CLEC16A: variants seen among roughly 807,000 people sequenced by gnomAD.
CLEC16A encodes C-type lectin domain containing 16A.
CLEC16A carries 51 observed loss-of-function variants against 109.5 expected under a neutral mutation model. The ratio of observed to expected loss-of-function variants is 0.47; its 90% confidence interval spans 0.37 to 0.59. The LOEUF (loss-of-function observed/expected upper bound fraction) is 0.59. Ranked by LOEUF, CLEC16A falls within the 20% of genes least tolerant of loss-of-function variation. CLEC16A has a pLI of 0.00. For missense variants in CLEC16A, 1,339 were observed against 1,394.0 expected, an observed-to-expected ratio of 0.96 and a Z score of 0.63; for synonymous variants, 673 against 564.2, an observed-to-expected ratio of 1.19 and a Z score of -2.73.
chr16:11,054,642 C>G lies in CLEC16A; in HGVS notation c.1995+3001C>G, dbSNP rs79316244. 4.6e-3 allele frequency among the ~76,000 whole-genome samples: 695 copies of G among 152,350 alleles called. 5 individuals carry two copies. Among genetic ancestry groups the G allele is most frequent in the Middle Eastern group, 0.031 (9 of 294 alleles). On this transcript the variant is annotated intron_variant, in intron 18 of 23. Transcript: ENST00000409790. ...CCAGGCTACCTCAAAGCCAAGGCAT[C>G]CACTTTAGAAAAGCTTCCTTTGTGA...
chr16:11,143,904 G>A (rs953065864), intron 22 of CLEC16A, among the ~76,000 whole-genome samples: 2 of 152,182 alleles, frequency 1.3e-5, no homozygotes, highest in Admixed American at 1.3e-4. Flanking sequence ...GGCTTGGCCT[G>A]ACCCTGGCCT....
In CLEC16A at chr16:10,979,348, T is replaced by C; in HGVS notation, c.923T>C (p.Ile308Thr). 1 of 1,612,984 alleles carries C rather than the reference T, an allele frequency of 6.2e-7. No individual in the cohort carries two copies. The highest frequency in any genetic ancestry group is 8.5e-7 in the Non-Finnish European group (1 of 1,179,610). Residue 308 changes from isoleucine to threonine, a missense_variant, in exon 9 of 24, where the codon ATT (isoleucine) becomes ACT (threonine). By Grantham distance (89) the Ile-to-Thr change is moderately conservative. This residue lies in a region of CLEC16A where 161 missense variants were observed against 267.1 expected (regional missense o/e 0.60). Coordinates refer to ENST00000409790, the MANE Select transcript of CLEC16A (RefSeq NM_015226.3). ...NQDKGGERPK[I>T]SLPVSLYLLS... is the part of the protein sequence containing the mutation. Reference sequence around the variant, plus strand: ...CACTAGGGAGGAGAACGGCCGAAAATTAGCCTGCCGGTGTCTCTTTATCTT... The same window carrying C: ...CACTAGGGAGGAGAACGGCCGAAAACTAGCCTGCCGGTGTCTCTTTATCTT...
At chr16:11,079,354 G>T (rs2049572833) in intron 19 of CLEC16A, among the ~76,000 whole-genome samples, 1 of 152,178 alleles carries the variant, frequency 6.6e-6, no homozygotes, top group Non-Finnish European at 1.5e-5. Flanking sequence ...CTCAGAAGTT[G>T]TTGGGGCTGA....
At chr16:11,177,712 G>A (rs138830372) in intron 23 of CLEC16A, among the ~76,000 whole-genome samples, 177 of 152,234 alleles carry the variant, frequency 1.2e-3, no homozygotes, top group African/African-American at 4.0e-3. Flanking sequence ...GGCCCCTGCC[G>A]GGAAGCTCGG....
chr16:11,122,977 C>G (rs1479356635), intron 20 of CLEC16A, among the ~76,000 whole-genome samples: 3 of 138,014 alleles, frequency 2.2e-5, no homozygotes, highest in Middle Eastern at 4.1e-3. Context: ...GATCTCGGCT[C>G]ACTGCAACCT....
Position 11,167,980 on chromosome 16 carries a change from T to C in CLEC16A, c.2806+1428T>C, listed in dbSNP as rs146632779. Among the ~76,000 whole-genome samples, 709 of 152,302 alleles carry C rather than the reference T, an allele frequency of 4.7e-3. 4 individuals are homozygous for C. Among genetic ancestry groups the C allele is most frequent in the Non-Finnish European group, 8.9e-3 (608 of 68,026 alleles). On this transcript the variant is annotated intron_variant, in intron 23 of 23. Transcript: ENST00000409790. ...GTTCATGCACCCCAACGCACATATT[T>C]ACCGTTGCACTGGGGATGAAAGCTT...
chr16:11,129,526 G>A (rs2153043561), intron 22 of CLEC16A, among the ~76,000 whole-genome samples: 1 of 152,284 alleles, frequency 6.6e-6, no homozygotes, highest in South Asian at 2.1e-4. Flanking sequence ...AAAGAAAAAT[G>A]TCTTACTATT....
chr16:11,098,326 G>A (rs74828113), intron 19 of CLEC16A, among the ~76,000 whole-genome samples: 3 of 152,258 alleles, frequency 2.0e-5, no homozygotes, highest in Admixed American at 2.0e-4. Context: ...ATGCGTGCCT[G>A]TGCACGCCGA....
Position 11,178,241 on chromosome 16 carries a change from A to T in CLEC16A, c.2807-94A>T. ...CAGCCAGCCACCTCCCACCTAGCTCACCAGGGCCGCGGTTCAGGATGGGAG... is the reference window on the plus strand; with the variant it reads ...CAGCCAGCCACCTCCCACCTAGCTCTCCAGGGCCGCGGTTCAGGATGGGAG... On this transcript the variant is annotated intron_variant, in intron 23 of 23. Transcript: ENST00000409790. The surrounding 1 kb of genome is among the most constrained non-coding windows in gnomAD (Gnocchi z 6.5). 1 of 1,159,364 alleles carries T rather than the reference A, an allele frequency of 8.6e-7. No individual in the cohort carries two copies. Among genetic ancestry groups the T allele is most frequent in the Non-Finnish European group, 1.2e-6 (1 of 802,212 alleles). 71.8% of individuals were successfully genotyped at this position (1,159,364 alleles called of 1,614,324 possible). A position where few individuals can be genotyped will look rare whatever the true frequency, so the allele number is the denominator to read the frequency against.
chr16:11,016,607 A>C (rs1233074514), intron 11 of CLEC16A, among the ~76,000 whole-genome samples: 6 of 152,108 alleles, frequency 3.9e-5, no homozygotes, highest in African/African-American at 1.4e-4. Context: ...AAATGCTAGG[A>C]TTACAGGCAT....
chr16:11,055,438 A>C (rs1276662402), intron 18 of CLEC16A, among the ~76,000 whole-genome samples: 12 of 152,114 alleles, frequency 7.9e-5, no homozygotes, highest in Non-Finnish European at 1.6e-4. Context: ...CCAGTCCCTG[A>C]GATGCCACCA....
rs71404440 is a variant in CLEC16A, at chr16:11,036,544, C to CTTTT, written c.1538-3191_1538-3188dup. ...CTTGTGTTCTTTTGTTCTAATTTTC[C>CTTTT]TTTTTTTTTTTTTTTTTTTTTTGAG... On this transcript the variant is annotated intron_variant, in intron 13 of 23. Transcript: ENST00000409790. Among the ~76,000 whole-genome samples the CTTTT allele has an allele frequency of 6.3e-4, 83 of 131,870 alleles. 1 individual carries two copies. The highest frequency in any genetic ancestry group is 9.4e-4 in the African/African-American group (32 of 34,154). 86.5% of individuals were successfully genotyped at this position (131,870 alleles called of 152,430 possible).
At chr16:11,151,207 A>G (rs1176417114) in intron 22 of CLEC16A, among the ~76,000 whole-genome samples, 14 of 152,230 alleles carry the variant, frequency 9.2e-5, no homozygotes, top group Admixed American at 9.2e-4. Context: ...CTTATGAAGC[A>G]CCCTATGACA....
intron 1 of CLEC16A, among the ~76,000 whole-genome samples, chr16:10,946,978 T>C (rs765957511): frequency 1.1e-4 from 16 of 152,248 alleles, no homozygotes; most frequent in Non-Finnish European, 1.5e-4. Context: ...GAGAACACTT[T>C]TGACTTGGCT....
intron 11 of CLEC16A, among the ~76,000 whole-genome samples, chr16:11,016,497 C>T (rs762199465): frequency 3.3e-5 from 5 of 151,816 alleles, no homozygotes; most frequent in South Asian, 2.1e-4. Flanking sequence ...TACAGGCGCC[C>T]GCCACCACAC....
intron 13 of CLEC16A, among the ~76,000 whole-genome samples, chr16:11,037,477 C>T (rs1317490509): frequency 2.6e-5 from 4 of 152,162 alleles, no homozygotes; most frequent in Non-Finnish European, 5.9e-5. Context: ...TGAGAAAAGT[C>T]GAGATCATCT....
chr16:10,972,496 A>G, intron 5 of CLEC16A, 58 bp from the exon 6 acceptor site: 2 of 1,564,814 alleles, frequency 1.3e-6, no homozygotes, highest in Non-Finnish European at 1.8e-6. Flanking sequence ...TAACCCTGTT[A>G]ACTGTTGTCT....
chr16:10,999,611 G>T (rs770333667), intron 10 of CLEC16A, among the ~76,000 whole-genome samples: 2 of 152,142 alleles, frequency 1.3e-5, no homozygotes. Flanking sequence ...GTTATTTCCA[G>T]TTGTTTACTG....
chr16:11,082,324 A>C (rs1426953328), intron 19 of CLEC16A, among the ~76,000 whole-genome samples: 1 of 152,210 alleles, frequency 6.6e-6, no homozygotes, highest in Non-Finnish European at 1.5e-5. Flanking sequence ...TAGGGCTCCC[A>C]GGTGGCTGCC....
Sources: allele counts gnomAD v4.1 joint callset (sites outside exome capture counted in the v4.1 genomes callset), GRCh38; gene constraint gnomAD v4.1.1; regional missense constraint gnomAD v4.1.1; non-coding constraint Gnocchi (gnomAD v3.1); transcripts MANE v1.5; gene names NCBI Gene and HGNC (gene_info 2026-07-23, HGNC 2026-07-21).